WDR76: variants seen among roughly 807,000 people sequenced by gnomAD.
The protein encoded by WDR76 is WD repeat domain 76, also known as WD repeat-containing protein 76.
Under a neutral mutation model 70.2 loss-of-function variants are expected in WDR76, and 52 were observed. That is an observed-to-expected ratio of 0.74 (90% CI 0.59 to 0.93). The LOEUF is 0.93. WDR76 is among the 40% of genes least tolerant of loss of function. WDR76 has a pLI of 0.00. For missense variants in WDR76, 756 were observed against 760.2 expected (o/e 0.99, Z 0.07); for synonymous variants, 292 against 271.1 (o/e 1.08, Z -0.76).
chr15:43,866,495 G>T lies in WDR76; in HGVS notation c.*103G>T. 7.6e-7 allele frequency: 1 copy of T among 1,312,544 alleles called. No homozygotes were observed. The allele number at this position is 1,312,544 out of a possible 1,614,324, so 81.3% of individuals were successfully genotyped here. ...TTTATGTGGTAATGTGTTACATTTA[G>T]CAATTATAACATTGTTTTATTAATA... On this transcript the variant is annotated 3_prime_UTR_variant, in exon 13 of 13. Coordinates refer to ENST00000263795, the MANE Select transcript of WDR76 (RefSeq NM_024908.4).
At chr15:43,861,832 A>ATTTTTTTTTTTTT (rs898404641) in intron 12 of WDR76, among the ~76,000 whole-genome samples, 16 of 104,752 alleles carry the variant, frequency 1.5e-4, no homozygotes, top group African/African-American at 1.9e-4. Context: ...GTATTTGTGT[A>ATTTTTTTTTTTTT]TTTTTTTTTT....
chr15:43,847,435 T>G (rs1230139362), intron 8 of WDR76, among the ~76,000 whole-genome samples: 3 of 151,260 alleles, frequency 2.0e-5, no homozygotes, highest in Non-Finnish European at 4.4e-5. Context: ...TAATTTTTTT[T>G]TTTTTGAGAC....
At chr15:43,829,560 G>A (rs1012831966) in intron 2 of WDR76, among the ~76,000 whole-genome samples, 15 of 135,740 alleles carry the variant, frequency 1.1e-4, no homozygotes, top group Admixed American at 1.7e-4. Flanking sequence ...AGGATGGAGC[G>A]CAGTGGCATG....
At chr15:43,857,820 CAA>C (rs972013972) in intron 10 of WDR76, among the ~76,000 whole-genome samples, 17 of 57,948 alleles carry the variant, frequency 2.9e-4, no homozygotes, top group African/African-American at 4.9e-4. Context: ...CTCTTGTCTC[CAA>C]AAAAAAAAAA....
chr15:43,831,741 GTCTT>G (rs908944896), intron 2 of WDR76, among the ~76,000 whole-genome samples: 8 of 151,344 alleles, frequency 5.3e-5, no homozygotes, highest in African/African-American at 1.5e-4. Flanking sequence ...CGCATGCCAT[GTCTT>G]TCTTTCTTGG....
At chr15:43,835,983 C>T (rs1276100640) in intron 3 of WDR76, among the ~76,000 whole-genome samples, 178 bp from the exon 4 acceptor site, 12 of 148,968 alleles carry the variant, frequency 8.1e-5, no homozygotes, top group Admixed American at 8.0e-4. Flanking sequence ...GAGACAGGGT[C>T]TCGCTGCGTT....
intron 9 of WDR76, 31 bp from the exon 10 acceptor site, chr15:43,856,915 G>A (rs1234315158): frequency 6.4e-7 from 1 of 1,574,386 alleles, no homozygotes; most frequent in African/African-American, 1.4e-5. Context: ...AGAAGAGTGT[G>A]ATATAAGCTG....
At chr15:43,831,767 A>G (rs1237626297) in intron 2 of WDR76, among the ~76,000 whole-genome samples, 1 of 151,362 alleles carries the variant, frequency 6.6e-6, no homozygotes, top group Non-Finnish European at 1.5e-5. Flanking sequence ...TTATTCTTTC[A>G]TTTTGGTGAA....
At position 43,828,250 on chromosome 15, in the gene WDR76, G is replaced by A. The variant is rs1294584517; in HGVS notation, c.346G>A (p.Val116Ile). Residue 116 changes from valine to isoleucine, a missense_variant, in exon 2 of 13, where the codon GTT becomes ATT. Val to Ile is a conservative substitution (Grantham distance 29, BLOSUM62 3). Transcript: ENST00000263795. ...CACGCTGCAAAATTCATCCTCAGCTGTTCATACTGAAAGTAACAAGCTACA... is the reference window on the plus strand; with the variant it reads ...CACGCTGCAAAATTCATCCTCAGCTATTCATACTGAAAGTAACAAGCTACA... The part of the protein sequence containing the change: ...ESTLQNSSSA[V>I]HTESNKLQPK... 1.3e-5 allele frequency: 21 copies of A among 1,614,036 alleles called. No individual in the cohort carries two copies. The highest frequency in any genetic ancestry group is 1.8e-5 in the Non-Finnish European group (21 of 1,180,034).
intron 5 of WDR76, among the ~76,000 whole-genome samples, chr15:43,840,692 T>G (rs1262959895): frequency 6.6e-6 from 1 of 152,012 alleles, no homozygotes. Flanking sequence ...AAGAAATATA[T>G]TTGTGGCCAG....
intron 1 of WDR76, 95 bp from the exon 2 acceptor site, chr15:43,827,870 G>T: frequency 7.7e-7 from 1 of 1,307,176 alleles, no homozygotes; most frequent in Non-Finnish European, 1.0e-6. Flanking sequence ...ATTGTCTTTG[G>T]GAAATGGGAA....
At chr15:43,834,951 G>T in intron 2 of WDR76, 110 bp from the exon 3 acceptor site, 1 of 878,864 alleles carries the variant, frequency 1.1e-6, no homozygotes, top group African/African-American at 1.7e-5. Flanking sequence ...AATAGAGATA[G>T]TACAATTTGA....
At chr15:43,853,531 T>C (rs2087889540) in intron 9 of WDR76, among the ~76,000 whole-genome samples, 2 of 152,000 alleles carry the variant, frequency 1.3e-5, no homozygotes, top group Non-Finnish European at 2.9e-5. Context: ...AAACAATAGG[T>C]GGAGAACTCC....
intron 5 of WDR76, among the ~76,000 whole-genome samples, chr15:43,840,309 C>T (rs1419329556): frequency 6.6e-6 from 1 of 151,414 alleles, no homozygotes; most frequent in African/African-American, 2.4e-5. Flanking sequence ...AATAATAGAA[C>T]CCTCAGTAAA....
At chr15:43,865,421 C>A (rs1425796972) in intron 12 of WDR76, among the ~76,000 whole-genome samples, 1 of 152,196 alleles carries the variant, frequency 6.6e-6, no homozygotes, top group African/African-American at 2.4e-5. Context: ...TACAGGCACC[C>A]GCCACCATGG....
chr15:43,857,290 A>T (rs1340520159), intron 10 of WDR76, 127 bp downstream of exon 10: 1 of 1,106,170 alleles, frequency 9.0e-7, no homozygotes, highest in African/African-American at 1.6e-5. Flanking sequence ...CCCAAAGGCC[A>T]AGTAATTTTC....
Position 43,858,750 on chromosome 15 carries a change from A to T in WDR76, c.1489A>T (p.Ser497Cys). The T allele has an allele frequency of 6.2e-7, 1 of 1,614,192 alleles. No homozygotes were observed. The highest frequency in any genetic ancestry group is 1.3e-5 in the African/African-American group (1 of 75,044). The change falls in exon 11 of 13, where the codon AGC becomes TGC. Residue 497 changes from serine to cysteine, a missense_variant. Coordinates refer to ENST00000263795, the MANE Select transcript of WDR76 (RefSeq NM_024908.4). ...PLISLTEHTK[S>C]IASAYFSPLT... The stretch of plus-strand genomic sequence containing the variant: ...GATTTCTTTGACTGAACATACAAAG[A>T]GCATTGCTTCCGCCTATTTTTCACC...
chr15:43,827,695 C>A (rs932071165), intron 1 of WDR76, among the ~76,000 whole-genome samples: 8 of 152,116 alleles, frequency 5.3e-5, no homozygotes, highest in Non-Finnish European at 7.3e-5. Context: ...CAGGCGTGTG[C>A]CACTATGCCC....
chr15:43,843,306 C>T (rs547359233), intron 7 of WDR76, among the ~76,000 whole-genome samples: 3 of 152,180 alleles, frequency 2.0e-5, no homozygotes, highest in Admixed American at 2.0e-4. Flanking sequence ...CAGGTGTGAG[C>T]CAGTGTGCCT....
Sources: gnomAD v4.1 joint callset for allele counts (sites outside exome capture counted in the v4.1 genomes callset) on GRCh38, gnomAD v4.1.1 for gene constraint, MANE v1.5 for transcripts, NCBI Gene and HGNC (gene_info 2026-07-23, HGNC 2026-07-21) for gene names.